Variants in TMEM132D observed in about 807,000 individuals in gnomAD.
TMEM132D encodes the protein transmembrane protein 132D.
Under a neutral mutation model 62.3 loss-of-function variants are expected in TMEM132D, and 21 were observed. The ratio of observed to expected loss-of-function variants is 0.34; its 90% CI spans 0.24 to 0.49. TMEM132D has a LOEUF of 0.49. Among genes scored for constraint, TMEM132D ranks in the 20% least tolerant of loss-of-function variants. The probability of loss-of-function intolerance (pLI) is 0.99; values close to 1 mark genes in which losing one functional copy is unlikely to be tolerated. For missense variants in TMEM132D, 1,346 were observed against 1,402.8 expected, an observed-to-expected ratio of 0.96 and a Z score of 0.65; for synonymous variants, 621 against 575.6, an observed-to-expected ratio of 1.08 and a Z score of -1.13.
At chr12:129,733,094 T>C (rs1202938242) in intron 1 of TMEM132D, among the ~76,000 whole-genome samples, 4 of 152,270 alleles carry the variant, frequency 2.6e-5, no homozygotes, top group Non-Finnish European at 5.9e-5. Flanking sequence ...ATTTTGATCA[T>C]AGGGACAGCA....
chr12:129,754,598 T>C (rs753774317), intron 1 of TMEM132D, among the ~76,000 whole-genome samples: 3 of 152,112 alleles, frequency 2.0e-5, no homozygotes, highest in Admixed American at 6.5e-5. Flanking sequence ...CGGGACACAG[T>C]AGAGGGCAGA....
At chr12:129,460,827 T>C (rs1304182188) in intron 3 of TMEM132D, among the ~76,000 whole-genome samples, 1 of 152,168 alleles carries the variant, frequency 6.6e-6, no homozygotes, top group Non-Finnish European at 1.5e-5. Context: ...TCAAGAACTT[T>C]TTTTTTCCCA....
intron 3 of TMEM132D, among the ~76,000 whole-genome samples, chr12:129,471,345 T>G (rs1303603848): frequency 1.3e-5 from 2 of 152,114 alleles, no homozygotes; most frequent in African/African-American, 4.8e-5. Flanking sequence ...TATTTTAAGT[T>G]ATTATTATTA....
chr12:129,582,504 C>G (rs1320581585), intron 2 of TMEM132D, among the ~76,000 whole-genome samples: 3 of 152,168 alleles, frequency 2.0e-5, no homozygotes, highest in Non-Finnish European at 2.9e-5. Flanking sequence ...GGGTGATGAG[C>G]TCTGCCTTGA....
intron 3 of TMEM132D, among the ~76,000 whole-genome samples, chr12:129,457,212 T>A (rs560681522): frequency 6.6e-6 from 1 of 152,160 alleles, no homozygotes; most frequent in African/African-American, 2.4e-5. Context: ...AATGACAGAC[T>A]AGATTAAGAA....
chr12:129,433,564 G>T (rs1237783848), intron 3 of TMEM132D, among the ~76,000 whole-genome samples: 1 of 152,094 alleles, frequency 6.6e-6, no homozygotes, highest in Non-Finnish European at 1.5e-5. Flanking sequence ...TTTTTCCCTT[G>T]CTGGTACTTC....
chr12:129,260,373 A>G (rs796211577), intron 4 of TMEM132D, among the ~76,000 whole-genome samples: 3 of 152,302 alleles, frequency 2.0e-5, no homozygotes, highest in African/African-American at 7.2e-5. Flanking sequence ...GGTGGCTTCA[A>G]TCAAGTGGCT....
At chr12:129,416,155 C>G (rs1317316336) in intron 3 of TMEM132D, among the ~76,000 whole-genome samples, 2 of 152,178 alleles carry the variant, frequency 1.3e-5, no homozygotes, top group African/African-American at 4.8e-5. Flanking sequence ...GCAGTATGGC[C>G]ATTTTCACAA....
chr12:129,313,171 ATATTT>A (rs1333966219), intron 4 of TMEM132D, among the ~76,000 whole-genome samples: 1 of 150,766 alleles, frequency 6.6e-6, no homozygotes, highest in Non-Finnish European at 1.5e-5. Context: ...ATTTTATTTT[ATATTT>A]TATTTTTCCA....
At chr12:129,374,948 C>T (rs1402607551) in intron 3 of TMEM132D, among the ~76,000 whole-genome samples, 3 of 152,260 alleles carry the variant, frequency 2.0e-5, no homozygotes, top group Non-Finnish European at 2.9e-5. Context: ...AGCTACAGGA[C>T]ATCAGAGCCG....
intron 5 of TMEM132D, among the ~76,000 whole-genome samples, chr12:129,099,709 C>T (rs1875230970): frequency 6.6e-6 from 1 of 152,276 alleles, no homozygotes; most frequent in African/African-American, 2.4e-5. Flanking sequence ...GTCAAGAACA[C>T]CTTCTTCCAT....
chr12:129,544,995 A>T, intron 2 of TMEM132D, among the ~76,000 whole-genome samples: 1 of 152,246 alleles, frequency 6.6e-6, no homozygotes, highest in Non-Finnish European at 1.5e-5. Flanking sequence ...TTGCGTTCAT[A>T]GTATCCATTT....
At chr12:129,243,028 G>T (rs778406896) in intron 4 of TMEM132D, among the ~76,000 whole-genome samples, 12 of 152,164 alleles carry the variant, frequency 7.9e-5, no homozygotes, top group Non-Finnish European at 1.6e-4. Flanking sequence ...CATTTTTGCT[G>T]CAAAGTCTAG....
chr12:129,236,155 TGA>T lies in TMEM132D; in HGVS notation c.1300-26494_1300-26493del, dbSNP rs35395261. Among the ~76,000 whole-genome samples, 64 of 144,584 alleles carry T rather than the reference TGA, an allele frequency of 4.4e-4. 1 individual carries two copies. Among genetic ancestry groups the T allele is most frequent in the South Asian group, 1.6e-3 (7 of 4,500 alleles). 94.9% of individuals were successfully genotyped at this position (144,584 alleles called of 152,430 possible). A position where few individuals can be genotyped will look rare whatever the true frequency, so the allele number is the denominator to read the frequency against. On this transcript the variant is annotated intron_variant, in intron 4 of 8. Transcript: ENST00000422113. ...GTGTGTATGTGTGTATGTGTGTGTA[TGA>T]GAGAGAGAGAGAGAGAGAGAGTCAC...
chr12:129,355,875 A>G (rs938736970), intron 3 of TMEM132D, among the ~76,000 whole-genome samples: 3 of 152,204 alleles, frequency 2.0e-5, no homozygotes, highest in Non-Finnish European at 4.4e-5. Context: ...GCCCTCACGC[A>G]GAGTCCGATG....
chr12:129,559,978 G>C (rs1449238448), intron 2 of TMEM132D, among the ~76,000 whole-genome samples: 5 of 152,122 alleles, frequency 3.3e-5, no homozygotes, highest in African/African-American at 1.2e-4. Flanking sequence ...GGGTAAGGAG[G>C]GTTTGGATGG....
At chr12:129,835,433 A>T (rs923648505) in intron 1 of TMEM132D, among the ~76,000 whole-genome samples, 3 of 151,938 alleles carry the variant, frequency 2.0e-5, no homozygotes, top group Non-Finnish European at 4.4e-5. Context: ...TGGGATTACA[A>T]ACAAGCGCCA....
chr12:129,865,078 C>T (rs974088478), intron 1 of TMEM132D, among the ~76,000 whole-genome samples: 3 of 152,164 alleles, frequency 2.0e-5, no homozygotes, highest in Non-Finnish European at 4.4e-5. Context: ...AGCAGACACA[C>T]AAATAAATGC....
intron 5 of TMEM132D, among the ~76,000 whole-genome samples, chr12:129,121,726 C>A (rs1876071386): frequency 6.6e-6 from 1 of 152,164 alleles, no homozygotes; most frequent in African/African-American, 2.4e-5. Flanking sequence ...CCACAGCACA[C>A]AGACACAGAA....
Sources: gnomAD v4.1 joint callset for allele counts (sites outside exome capture counted in the v4.1 genomes callset) on GRCh38, gnomAD v4.1.1 for gene constraint, MANE v1.5 for transcripts, NCBI Gene and HGNC (gene_info 2026-07-23, HGNC 2026-07-21) for gene names.